RXRB: variants seen among roughly 807,000 people sequenced by gnomAD.
RXRB encodes the protein retinoic acid receptor RXR-beta.
In RXRB, 18 loss-of-function variants were observed where a neutral mutation model predicts 52.5. The observed-to-expected ratio is 0.34, with a 90% CI of 0.24 to 0.51. The LOEUF is 0.51. Among genes scored for constraint, RXRB ranks in the 20% least tolerant of loss-of-function variants. The pLI, the probability that RXRB is intolerant of heterozygous loss-of-function variation, is 0.97. For missense variants in RXRB, 455 were observed against 698.2 expected, an observed-to-expected ratio of 0.65 and a Z score of 3.92; for synonymous variants, 233 against 267.1, an observed-to-expected ratio of 0.87 and a Z score of 1.25.
intron 1 of RXRB, chr6:33,199,937 C>A: frequency 1.4e-6 from 1 of 725,306 alleles, no homozygotes; most frequent in Non-Finnish European, 2.5e-6. Context: ...AGGAGAGACC[C>A]CTCCTAAGAC....
rs748794236 is a variant in RXRB at position 33,196,497 on chromosome 6, A to G, written c.930T>C (p.Ala310=). 2.5e-6 allele frequency: 4 copies of G among 1,613,046 alleles called. No individual in the cohort carries two copies. The highest frequency in any genetic ancestry group is 3.4e-6 in the Non-Finnish European group (4 of 1,180,024). The change falls in exon 5 of 10, where the codon GCT becomes GCC. Residue 310 remains alanine (A), a synonymous_variant. Transcript: ENST00000374680. This position sits in a 1 kb window ranked among gnomAD's most constrained non-coding sequence, Gnocchi z 4.0. ...PVDRILEAEL[A]VEQKSDQGVE... is the part of the protein sequence containing the mutation. ...CGCCCTGGTCACTCTTCTGTTCCACAGCAAGCTCTGCCTCCAGGATCCTGT... is the reference window on the plus strand; with the variant it reads ...CGCCCTGGTCACTCTTCTGTTCCACGGCAAGCTCTGCCTCCAGGATCCTGT...
chr6:33,195,528 A>G lies in RXRB; in HGVS notation c.1256+42T>C. On this transcript the variant is annotated intron_variant, in intron 7 of 9. Transcript: ENST00000374680. This position sits in a 1 kb window ranked among gnomAD's most constrained non-coding sequence, Gnocchi z 8.6. ...TGGACACGGACCAGCCTATAGCCCC[A>G]CCCCCTCTATCTACATGCCAGCCTA... is the stretch of plus-strand genomic sequence containing the variant. 1 of 1,612,508 alleles carries G rather than the reference A, an allele frequency of 6.2e-7. No individual in the cohort carries two copies. Among genetic ancestry groups the G allele is most frequent in the East Asian group, 2.2e-5 (1 of 44,860 alleles).
rs1245046306 is a variant in RXRB at position 33,195,673 on chromosome 6, AG to A, written c.1152del (p.Ser385HisfsTer29). On this transcript the variant is annotated frameshift_variant, in exon 7 of 10. Coordinates refer to ENST00000374680, the MANE Select transcript of RXRB (RefSeq NM_021976.5). LOFTEE classifies it high-confidence loss of function. This position sits in a 1 kb window ranked among gnomAD's most constrained non-coding sequence, Gnocchi z 8.6. ...AGWNELLIASFSHRSIDVRDG... is the reference protein window; with the variant it reads ...AGWNELLIASXSHRSIDVRDG... ...TCTCGAACATCAATGGATCGGTGTG[AG>A]AAGGAGGCAATGAGGAGTTCATTCC... 1 of 1,612,954 alleles carries A rather than the reference AG, an allele frequency of 6.2e-7. No homozygotes were observed. The highest frequency in any genetic ancestry group is 8.5e-7 in the Non-Finnish European group (1 of 1,180,004).
At position 33,200,168 on chromosome 6, in the gene RXRB, C is replaced by T. The variant is rs866643333; in HGVS notation, c.235+74G>A. On this transcript the variant is annotated intron_variant, in intron 1 of 9. Transcript: ENST00000374680. This position sits in a 1 kb window ranked among gnomAD's most constrained non-coding sequence, Gnocchi z 6.3. ...GGCGGGAGCGCAAGGAAAAGAGCACCGGGGGAGGGTGTGGGGGAGGGGTCG... is the reference window on the plus strand; with the variant it reads ...GGCGGGAGCGCAAGGAAAAGAGCACTGGGGGAGGGTGTGGGGGAGGGGTCG... The T allele has an allele frequency of 1.7e-5, 27 of 1,563,702 alleles. No homozygotes were observed. In the South Asian group the frequency reaches 2.8e-4, roughly 16 times the overall value.
Position 33,195,378 on chromosome 6 carries a change from T to C in RXRB, c.1333A>G (p.Ile445Val), listed in dbSNP as rs139138979. The change falls in exon 8 of 10, where the codon ATT (isoleucine) becomes GTT (valine). Residue 445 changes from isoleucine (I) to valine (V), a missense_variant. By Grantham distance (29) the Ile-to-Val change is conservative (BLOSUM62 3). Coordinates refer to ENST00000374680, the MANE Select transcript of RXRB (RefSeq NM_021976.5). This position sits in a 1 kb window ranked among gnomAD's most constrained non-coding sequence, Gnocchi z 8.6. ...CTCCTCTTACCTGGATTAAACAGAA[T>C]GATTGCCCTCAGGCAGCCAAGCTCT... ...KTELGCLRAI[I>V]LFNPDAKGLS... 1.9e-6 allele frequency: 3 copies of C among 1,609,758 alleles called. 1 individual carries two copies. The highest frequency in any genetic ancestry group is 2.2e-5 in the South Asian group (2 of 91,032).
In RXRB at chr6:33,200,425, G is replaced by A; in HGVS notation, c.52C>T (p.Gln18Ter). The A allele has an allele frequency of 1.9e-6, 3 of 1,585,216 alleles. No individual in the cohort carries two copies. Among genetic ancestry groups the A allele is most frequent in the East Asian group, 4.6e-5 (2 of 43,930 alleles). ...TTTCGCACCCCCACCGGCCCACACT[G>A]CCCTGCGGCATGCCGCTGAGGGAGG... ...PFLPQRHAAG[Q>*]CGPVGVRKEM... is the part of the protein sequence containing the mutation. Residue 18 changes from glutamine to a stop codon, truncating the protein, a stop_gained, in exon 1 of 10, where the codon CAG becomes TAG. Transcript: ENST00000374680. LOFTEE classifies it high-confidence loss of function. The surrounding 1 kb of genome is among the most constrained non-coding windows in gnomAD (Gnocchi z 6.3).
chr6:33,197,695 C>G lies in RXRB; in HGVS notation c.820+67G>C. 6.8e-7 allele frequency: 1 copy of G among 1,471,282 alleles called. No individual in the cohort carries two copies. Among genetic ancestry groups the G allele is most frequent in the Non-Finnish European group, 9.4e-7 (1 of 1,063,868 alleles). The allele number at this position is 1,471,282 out of a possible 1,614,324, so 91.1% of individuals were successfully genotyped here. A position where few individuals can be genotyped will look rare whatever the true frequency, so the allele number is the denominator to read the frequency against. ...AGCAGTCCACCCTTCCAGAGAGGTA[C>G]ACAGTCTGAGTGGGATAAGGGAGAA... On this transcript the variant is annotated intron_variant, in intron 4 of 9. Transcript: ENST00000374680. This position sits in a 1 kb window ranked among gnomAD's most constrained non-coding sequence, Gnocchi z 4.4.
upstream of RXRB, chr6:33,200,805 CGTCGCTACCGGA>C: frequency 3.3e-6 from 5 of 1,523,052 alleles, no homozygotes; most frequent in Non-Finnish European, 4.4e-6. This position sits in a 1 kb window ranked among gnomAD's most constrained non-coding sequence, Gnocchi z 6.3. Flanking sequence ...AGGATGGATT[CGTCGCTACCGGA>C]GTGCCGCCAT....
chr6:33,195,068 A>C lies in RXRB; in HGVS notation c.1349-18T>G. On this transcript the variant is annotated intron_variant, in intron 8 of 9. Transcript: ENST00000374680. The surrounding 1 kb of genome is among the most constrained non-coding windows in gnomAD (Gnocchi z 8.6). ...CTTGGCATCTGGGATGGCAGGGAAGAGAGGAGGAAGAGAAATGAAGACAAA... is the reference window on the plus strand; with the variant it reads ...CTTGGCATCTGGGATGGCAGGGAAGCGAGGAGGAAGAGAAATGAAGACAAA... 1 of 1,551,086 alleles carries C rather than the reference A, an allele frequency of 6.4e-7. No homozygotes were observed. Among genetic ancestry groups the C allele is most frequent in the Non-Finnish European group, 8.9e-7 (1 of 1,124,018 alleles).
At chr6:33,199,658 G>A in intron 1 of RXRB, 1 of 483,578 alleles carries the variant, frequency 2.1e-6, no homozygotes, top group Non-Finnish European at 3.8e-6. Context: ...CACTAAAATT[G>A]GTATACAACC....
intron 1 of RXRB, 196 bp from the exon 2 acceptor site, chr6:33,199,612 T>A (rs1774270653): frequency 8.3e-6 from 4 of 483,890 alleles, no homozygotes; most frequent in Non-Finnish European, 1.5e-5. Flanking sequence ...GCTGGTCCGA[T>A]GGTAGTGGGT....
chr6:33,197,781 G>A lies in RXRB; in HGVS notation c.801C>T (p.Ala267=). Residue 267 remains alanine, a synonymous_variant, in exon 4 of 10, where the codon GCC becomes GCT. Coordinates refer to ENST00000374680, the MANE Select transcript of RXRB (RefSeq NM_021976.5). The surrounding 1 kb of genome is among the most constrained non-coding windows in gnomAD (Gnocchi z 4.4). ...CQYCRYQKCL[A]TGMKREAVQE... is the part of the protein sequence containing the mutation. ...CCTTACCCTCCCTCTTCATGCCAGT[G>A]GCCAGGCACTTCTGATAGCGGCAGT... 6.2e-7 allele frequency: 1 copy of A among 1,613,976 alleles called. No individual in the cohort carries two copies. Among genetic ancestry groups the A allele is most frequent in the African/African-American group, 1.3e-5 (1 of 75,052 alleles).
At position 33,200,577 on chromosome 6, in the gene RXRB, C is replaced by A; in HGVS notation, c.-101G>T. ...CGAGGAAGCCCCTGAGAGAAAGACT[C>A]TGGCCTGGATTGGGTCGAATTAAGC... On this transcript the variant is annotated 5_prime_UTR_variant, in exon 1 of 10. Coordinates refer to ENST00000374680, the MANE Select transcript of RXRB (RefSeq NM_021976.5). This position sits in a 1 kb window ranked among gnomAD's most constrained non-coding sequence, Gnocchi z 6.3. 6.7e-7 allele frequency: 1 copy of A among 1,491,424 alleles called. No homozygotes were observed. The highest frequency in any genetic ancestry group is 8.9e-7 in the Non-Finnish European group (1 of 1,120,980). The allele number at this position is 1,491,424 out of a possible 1,614,324, so 92.4% of individuals were successfully genotyped here.
chr6:33,199,190 G>T lies in RXRB; in HGVS notation c.462C>A (p.Ser154=). 7.7e-7 allele frequency: 1 copy of T among 1,296,722 alleles called. No homozygotes were observed. 80.3% of individuals were successfully genotyped at this position (1,296,722 alleles called of 1,614,324 possible). ...TCACCTGGGGGCTGCTGACAGGCCC[G>T]GAGAATCCTGGGGGAGCTGGAGGGG... ...GLPPPAPPGF[S]GPVSSPQINS... The change falls in exon 2 of 10, where the codon TCC becomes TCA. Residue 154 remains serine, a synonymous_variant. Transcript: ENST00000374680.
rs1166150491 is a variant in RXRB at position 33,197,102 on chromosome 6, A to C, written c.821-496T>G. 6.6e-6 allele frequency among the ~76,000 whole-genome samples: 1 copy of C among 152,202 alleles called. No individual in the cohort carries two copies. Among genetic ancestry groups the C allele is most frequent in the Non-Finnish European group, 1.5e-5 (1 of 68,038 alleles). On this transcript the variant is annotated intron_variant, in intron 4 of 9. Transcript: ENST00000374680. This position sits in a 1 kb window ranked among gnomAD's most constrained non-coding sequence, Gnocchi z 4.4. Reference sequence around the variant, plus strand: ...ACTGACTCTAAGTGTGTCTGAGTGCAAATCTTGTGCTCTTCTGACTCAACA... The same window carrying C: ...ACTGACTCTAAGTGTGTCTGAGTGCCAATCTTGTGCTCTTCTGACTCAACA...
At chr6:33,199,773 G>C in intron 1 of RXRB, 1 of 443,414 alleles carries the variant, frequency 2.3e-6, no homozygotes, top group South Asian at 1.9e-5. Context: ...TTCAGGTGAG[G>C]AAAATTTTCC....
chr6:33,200,492 G>A lies in RXRB; in HGVS notation c.-16C>T, dbSNP rs779568168. On this transcript the variant is annotated 5_prime_UTR_variant, in exon 1 of 10. Coordinates refer to ENST00000374680, the MANE Select transcript of RXRB (RefSeq NM_021976.5). This position sits in a 1 kb window ranked among gnomAD's most constrained non-coding sequence, Gnocchi z 6.3. Reference sequence around the variant, plus strand: ...CCCAAGACATGATCCCTGGCTGAGAGTAGGGATACCGAAGAGGTCCCAGGG... The same window carrying A: ...CCCAAGACATGATCCCTGGCTGAGAATAGGGATACCGAAGAGGTCCCAGGG... 1.3e-6 allele frequency: 2 copies of A among 1,581,060 alleles called. No individual in the cohort carries two copies. The highest frequency in any genetic ancestry group is 1.2e-5 in the South Asian group (1 of 86,954).
chr6:33,200,309 T>C lies in RXRB; in HGVS notation c.168A>G (p.Gly56=), dbSNP rs1182442297. Residue 56 remains glycine (G), a synonymous_variant, in exon 1 of 10, where the codon GGA becomes GGG. Coordinates refer to ENST00000374680, the MANE Select transcript of RXRB (RefSeq NM_021976.5). The surrounding 1 kb of genome is among the most constrained non-coding windows in gnomAD (Gnocchi z 6.3). ...GCTCCGGCTCCGGGGTTTGTTGTTC[T>C]CCGCCTGCCACCGCCGCCGCCGCCG... ...AAAAAAAVAG[G]EQQTPEPEPG... The C allele has an allele frequency of 1.7e-5, 27 of 1,597,136 alleles. No homozygotes were observed. Among genetic ancestry groups the C allele is most frequent in the Non-Finnish European group, 2.3e-5 (27 of 1,175,508 alleles).
rs868130592 is a variant in RXRB, at chr6:33,195,679, A to C, written c.1147T>G (p.Ser383Ala). The C allele has an allele frequency of 1.2e-6, 2 of 1,612,748 alleles. No homozygotes were observed. Among genetic ancestry groups the C allele is most frequent in the Non-Finnish European group, 1.7e-6 (2 of 1,179,972 alleles). ...RAGWNELLIA[S>A]FSHRSIDVRD... The stretch of plus-strand genomic sequence containing the variant: ...ACATCAATGGATCGGTGTGAGAAGG[A>C]GGCAATGAGGAGTTCATTCCAGCCT... The change falls in exon 7 of 10, where the codon TCC becomes GCC. Residue 383 changes from serine (S) to alanine (A), a missense_variant. Ser to Ala is a moderately conservative substitution (Grantham distance 99). This residue lies in a region of RXRB where 115 missense variants were observed against 253.1 expected (regional missense o/e 0.45). Transcript: ENST00000374680. The surrounding 1 kb of genome is among the most constrained non-coding windows in gnomAD (Gnocchi z 8.6).
Sources: gnomAD v4.1 joint callset for allele counts (sites outside exome capture counted in the v4.1 genomes callset) on GRCh38, gnomAD v4.1.1 for gene constraint, gnomAD v4.1.1 regional missense constraint, Gnocchi (gnomAD v3.1) non-coding constraint, MANE v1.5 for transcripts, NCBI Gene and HGNC (gene_info 2026-07-23, HGNC 2026-07-21) for gene names.